IL1RAPL1: variants seen among roughly 807,000 people sequenced by gnomAD.
IL1RAPL1 encodes interleukin-1 receptor accessory protein-like 1.
IL1RAPL1 carries 3 observed loss-of-function variants against 48.4 expected under a neutral mutation model. That is an observed-to-expected ratio of 0.06 (90% CI 0.03 to 0.16). IL1RAPL1 has a LOEUF of 0.16. Ranked by LOEUF, IL1RAPL1 falls within the 10% of genes least tolerant of loss-of-function variation. The pLI is 1.00. For missense variants in IL1RAPL1, 349 were observed against 530.6 expected (o/e 0.66, Z 3.36); for synonymous variants, 185 against 187.7 (o/e 0.99, Z 0.12).
At chrX:28,617,753 T>G (rs1319199797) in intron 1 of IL1RAPL1, among the ~76,000 whole-genome samples, 4 of 112,648 alleles carry the variant, frequency 3.6e-5, no homozygotes, top group Non-Finnish European at 5.6e-5. Context: ...AGACTAATAT[T>G]TTGGAATTTC....
chrX:29,089,941 A>C lies in IL1RAPL1; in HGVS notation c.83-192997A>C, dbSNP rs1928052792. Among the ~76,000 whole-genome samples, 3 of 104,910 alleles carry C rather than the reference A, an allele frequency of 2.9e-5. No individual in the cohort carries two copies. The Admixed American group carries it at 3.2e-4, about 11-fold the overall frequency. The allele number at this position is 104,910 out of a possible 115,157, so 91.1% of individuals were successfully genotyped here. A position where few individuals can be genotyped will look rare whatever the true frequency, so the allele number is the denominator to read the frequency against. On this transcript the variant is annotated intron_variant, in intron 2 of 10. Coordinates refer to ENST00000378993, the MANE Select transcript of IL1RAPL1 (RefSeq NM_014271.4). ...CAAATTGTAGGGCTTCATTTCCTGA[A>C]GTCTTTTTCTTATTCATTTCATCCC...
At chrX:28,940,551 T>A (rs1924140268) in intron 2 of IL1RAPL1, among the ~76,000 whole-genome samples, 1 of 111,247 alleles carries the variant, frequency 9.0e-6, no homozygotes, top group Non-Finnish European at 1.9e-5. Flanking sequence ...GACGATTTTC[T>A]TTCTAGAAGT....
At chrX:29,361,217 G>A (rs976849113) in intron 3 of IL1RAPL1, among the ~76,000 whole-genome samples, 102 of 111,532 alleles carry the variant, frequency 9.1e-4, no homozygotes, top group African/African-American at 3.2e-3. Flanking sequence ...AGCTCTATGC[G>A]ATTTTCATCT....
At chrX:29,834,022 A>G (rs1232577660) in intron 6 of IL1RAPL1, among the ~76,000 whole-genome samples, 1 of 112,143 alleles carries the variant, frequency 8.9e-6, no homozygotes, top group Non-Finnish European at 1.9e-5. Flanking sequence ...CGCCTCCACC[A>G]TAAAGCACAG....
At chrX:28,777,257 T>C (rs2147259673) in intron 1 of IL1RAPL1, among the ~76,000 whole-genome samples, 1 of 111,032 alleles carries the variant, frequency 9.0e-6, no homozygotes. Context: ...TCTCTAACTT[T>C]GACACTCCTG....
chrX:29,153,764 CTT>C (rs1049807115), intron 2 of IL1RAPL1, among the ~76,000 whole-genome samples: 3 of 112,138 alleles, frequency 2.7e-5, no homozygotes, highest in Non-Finnish European at 5.6e-5. Context: ...TTATGGAACT[CTT>C]TGTCATAGAG....
At chrX:29,258,340 T>G (rs776120643) in intron 2 of IL1RAPL1, among the ~76,000 whole-genome samples, 2 of 111,754 alleles carry the variant, frequency 1.8e-5, no homozygotes, top group African/African-American at 6.5e-5. Context: ...CTTGAACTAA[T>G]TTTCACGTCA....
At chrX:28,771,506 A>G (rs1936306086) in intron 1 of IL1RAPL1, among the ~76,000 whole-genome samples, 1 of 111,338 alleles carries the variant, frequency 9.0e-6, no homozygotes, top group Non-Finnish European at 1.9e-5. Context: ...CAAGAATGGA[A>G]TGGAGCAAAG....
intron 6 of IL1RAPL1, among the ~76,000 whole-genome samples, chrX:29,674,202 A>T (rs1479905019): frequency 8.9e-6 from 1 of 111,855 alleles, no homozygotes; most frequent in African/African-American, 3.3e-5. Flanking sequence ...TGAGGCAGGC[A>T]AATCCCTTGA....
chrX:28,682,835 G>C (rs1002992613), intron 1 of IL1RAPL1, among the ~76,000 whole-genome samples: 4 of 111,986 alleles, frequency 3.6e-5, no homozygotes, highest in Non-Finnish European at 7.5e-5. Flanking sequence ...TGAGACTCCT[G>C]TTAAAACTGT....
intron 2 of IL1RAPL1, among the ~76,000 whole-genome samples, chrX:28,865,782 C>G (rs889907863): frequency 1.8e-5 from 2 of 111,907 alleles, no homozygotes; most frequent in African/African-American, 3.3e-5. Flanking sequence ...AGTGTCACAG[C>G]CCTCAAGCCA....
intron 3 of IL1RAPL1, among the ~76,000 whole-genome samples, chrX:29,331,220 C>T (rs141546515): frequency 0.015 from 1,665 of 111,372 alleles, 16 homozygotes; most frequent in Middle Eastern, 0.042. Flanking sequence ...TGGGACTGTT[C>T]TGAGCAAATG....
chrX:29,925,448 T>TTTTG (rs1932881679), intron 8 of IL1RAPL1, among the ~76,000 whole-genome samples: 5 of 44,622 alleles, frequency 1.1e-4, no homozygotes, highest in African/African-American at 1.9e-4. Flanking sequence ...TTTTTTTTGC[T>TTTTG]GGGGGGGGCT....
chrX:29,515,898 C>T (rs1935440651), intron 5 of IL1RAPL1, among the ~76,000 whole-genome samples: 1 of 111,473 alleles, frequency 9.0e-6, no homozygotes, highest in Admixed American at 9.5e-5. Flanking sequence ...GTTGCCCAGG[C>T]TGGTCTTGAA....
At chrX:29,173,622 G>C (rs1277361388) in intron 2 of IL1RAPL1, among the ~76,000 whole-genome samples, 1 of 111,750 alleles carries the variant, frequency 8.9e-6, no homozygotes, top group Non-Finnish European at 1.9e-5. Flanking sequence ...CTACTTCAAT[G>C]ATCATTTACA....
intron 2 of IL1RAPL1, among the ~76,000 whole-genome samples, chrX:29,177,477 T>C (rs1427335980): frequency 8.9e-6 from 1 of 112,294 alleles, no homozygotes; most frequent in African/African-American, 3.2e-5. Context: ...GAGTGGTTAA[T>C]TTCATTTGAA....
At chrX:29,686,702 C>T (rs981406138) in intron 6 of IL1RAPL1, among the ~76,000 whole-genome samples, 89 of 108,970 alleles carry the variant, frequency 8.2e-4, no homozygotes, top group African/African-American at 2.9e-3. Context: ...GGACTACAGG[C>T]GCCCGCCACC....
intron 5 of IL1RAPL1, among the ~76,000 whole-genome samples, chrX:29,408,097 C>G (rs747935903): frequency 1.8e-5 from 2 of 111,361 alleles, no homozygotes; most frequent in African/African-American, 6.5e-5. Flanking sequence ...ATGGGGAAAA[C>G]GTCATATCCA....
At chrX:28,768,693 C>CTG (rs1936269557) in intron 1 of IL1RAPL1, among the ~76,000 whole-genome samples, 2 of 75,736 alleles carry the variant, frequency 2.6e-5, no homozygotes, top group Admixed American at 1.7e-4. Flanking sequence ...CTGTCTCTCT[C>CTG]TCTCTCTGTT....
Sources: gnomAD v4.1 joint callset for allele counts (sites outside exome capture counted in the v4.1 genomes callset) on GRCh38, gnomAD v4.1.1 for gene constraint, MANE v1.5 for transcripts, NCBI Gene and HGNC (gene_info 2026-07-23, HGNC 2026-07-21) for gene names.